The following GORAB variants were observed in gnomAD, a reference collection of about 807,000 sequenced individuals.
The protein encoded by GORAB is golgin, RAB6 interacting.
A neutral mutation model predicts 29.9 loss-of-function variants in GORAB; 17 were observed. That is an observed-to-expected ratio of 0.57 (90% CI 0.39 to 0.85). The LOEUF (loss-of-function observed/expected upper bound fraction) is 0.85. Among genes scored for constraint, GORAB ranks in the 40% least tolerant of loss-of-function variants. GORAB has a pLI of 0.00. For missense variants in GORAB, 442 were observed against 437.8 expected (o/e 1.01, Z -0.09); for synonymous variants, 183 against 157.2 (o/e 1.16, Z -1.23).
chr1:170,549,829 A>G (rs1300993310), intron 4 of GORAB, among the ~76,000 whole-genome samples: 2 of 152,198 alleles, frequency 1.3e-5, no homozygotes, highest in African/African-American at 2.4e-5. Flanking sequence ...GTTTTCAAGT[A>G]TAAATACCAG....
rs554358979 is a variant in GORAB, at chr1:170,533,639, C to T, written c.61+1355C>T. 436 of 429,910 alleles carry T rather than the reference C, an allele frequency of 1.0e-3. 2 individuals are homozygous for T. The highest frequency in any genetic ancestry group is 7.4e-3 in the African/African-American group (367 of 49,754). 26.6% of individuals were successfully genotyped at this position (429,910 alleles called of 1,614,324 possible). ...CACAAAGTTTGTGTGTTAGCAGAGG[C>T]GCATTTTCCAGGGTAAAGATGACTT... On this transcript the variant is annotated intron_variant, in intron 1 of 4. Coordinates refer to ENST00000367763, the MANE Select transcript of GORAB (RefSeq NM_152281.3).
intron 4 of GORAB, among the ~76,000 whole-genome samples, chr1:170,546,982 G>A (rs2101829803): frequency 6.6e-6 from 1 of 152,284 alleles, no homozygotes; most frequent in African/African-American, 2.4e-5. Context: ...ACCACGCCTG[G>A]CCATGTGCTG....
At chr1:170,535,683 G>T (rs905602592) in intron 1 of GORAB, among the ~76,000 whole-genome samples, 1 of 152,070 alleles carries the variant, frequency 6.6e-6, no homozygotes, top group Non-Finnish European at 1.5e-5. Flanking sequence ...TGGGATTACA[G>T]CTGTGTGCCA....
chr1:170,541,098 G>A (rs1285727397), intron 2 of GORAB, among the ~76,000 whole-genome samples: 1 of 151,492 alleles, frequency 6.6e-6, no homozygotes, highest in East Asian at 1.9e-4. Context: ...CAGCTACTTG[G>A]GAGACTGAGG....
chr1:170,533,537 T>G (rs763617016), intron 1 of GORAB: 1 of 454,888 alleles, frequency 2.2e-6, no homozygotes, highest in Non-Finnish European at 4.4e-6. Flanking sequence ...TATGTGATAG[T>G]AGATATTGCA....
chr1:170,538,390 A>C (rs187020555), intron 1 of GORAB, among the ~76,000 whole-genome samples: 1 of 152,218 alleles, frequency 6.6e-6, no homozygotes, highest in African/African-American at 2.4e-5. Flanking sequence ...AGAGAATGCT[A>C]TTTATAGATC....
At chr1:170,551,956 T>G in intron 4 of GORAB, 59 bp from the exon 5 acceptor site, 1 of 1,453,744 alleles carries the variant, frequency 6.9e-7, no homozygotes, top group South Asian at 1.2e-5. Flanking sequence ...CTAGATCCTC[T>G]TTTGAATATC....
At chr1:170,545,757 T>C in intron 4 of GORAB, 3 of 984,578 alleles carry the variant, frequency 3.0e-6, no homozygotes, top group Non-Finnish European at 3.6e-6. Flanking sequence ...TGCTTGATTG[T>C]GGTTTTTAAT....
intron 1 of GORAB, chr1:170,533,574 C>A (rs1176895251): frequency 2.2e-6 from 1 of 454,930 alleles, no homozygotes. Context: ...ACAAGAGGAA[C>A]CTCACTCTGC....
chr1:170,536,199 A>G (rs987919934), intron 1 of GORAB: 1 of 152,148 alleles, frequency 6.6e-6, no homozygotes, highest in African/African-American at 2.4e-5. Flanking sequence ...GAGGTACTAA[A>G]CATCTTTTTG....
Position 170,552,940 on chromosome 1 carries a change from G to A in GORAB, c.*478G>A, listed in dbSNP as rs1451619981. On this transcript the variant is annotated 3_prime_UTR_variant, in exon 5 of 5. Coordinates refer to ENST00000367763, the MANE Select transcript of GORAB (RefSeq NM_152281.3). ...AAAACAGGAATAGAAGAAAAAAGTT[G>A]CAGGTTGAATTATCTATCTGGATAT... The A allele has an allele frequency of 1.1e-5, 5 of 449,800 alleles. No individual in the cohort carries two copies. The highest frequency in any genetic ancestry group is 2.4e-5 in the Admixed American group (1 of 41,662). The allele number at this position is 449,800 out of a possible 1,614,324, so 27.9% of individuals were successfully genotyped here.
intron 4 of GORAB, among the ~76,000 whole-genome samples, chr1:170,549,280 C>A (rs1331289525): frequency 1.3e-5 from 2 of 152,136 alleles, no homozygotes; most frequent in Non-Finnish European, 2.9e-5. Flanking sequence ...GTATTACCCA[C>A]CTGACCATAG....
In GORAB at chr1:170,551,997, T is replaced by C; in HGVS notation, c.663-18T>C. 6.2e-7 allele frequency: 1 copy of C among 1,608,538 alleles called. No individual in the cohort carries two copies. The highest frequency in any genetic ancestry group is 8.5e-7 in the Non-Finnish European group (1 of 1,175,276). ...CAATGGAAAACTGATGGACCTATCT[T>C]TATACACATCCTTACAGGAAGCGGT... is the stretch of plus-strand genomic sequence containing the variant. On this transcript the variant is annotated intron_variant, in intron 4 of 4. Coordinates refer to ENST00000367763, the MANE Select transcript of GORAB (RefSeq NM_152281.3).
chr1:170,540,367 G>C (rs900015075), intron 2 of GORAB, among the ~76,000 whole-genome samples: 1 of 150,578 alleles, frequency 6.6e-6, no homozygotes, highest in Non-Finnish European at 1.5e-5. Context: ...TTATTTCTTT[G>C]TTTGCTCCTG....
At chr1:170,543,567 A>T (rs138005383) in intron 3 of GORAB, among the ~76,000 whole-genome samples, 4 of 151,624 alleles carry the variant, frequency 2.6e-5, no homozygotes, top group African/African-American at 9.7e-5. Context: ...ATAGGAAATA[A>T]TGCAACTCAC....
chr1:170,551,452 T>A (rs951090048), intron 4 of GORAB, among the ~76,000 whole-genome samples: 3 of 152,220 alleles, frequency 2.0e-5, no homozygotes, highest in African/African-American at 7.2e-5. Context: ...TCTTTCTCCA[T>A]CAGAATTTTT....
Position 170,539,430 on chromosome 1 carries a change from C to A in GORAB, c.282C>A (p.Pro94=). 1.2e-6 allele frequency: 2 copies of A among 1,614,092 alleles called. No individual in the cohort carries two copies. Among genetic ancestry groups the A allele is most frequent in the South Asian group, 1.1e-5 (1 of 91,086 alleles). The change falls in exon 2 of 5, where the codon CCC becomes CCA. Residue 94 remains proline (P), a synonymous_variant. Coordinates refer to ENST00000367763, the MANE Select transcript of GORAB (RefSeq NM_152281.3). ...TLPSHFTLTS[P]VGDGQPQGIE... ...CGAGTCATTTCACTCTCACCTCCCCCGTTGGTGATGGACAACCACAGGGCA... is the reference window on the plus strand; with the variant it reads ...CGAGTCATTTCACTCTCACCTCCCCAGTTGGTGATGGACAACCACAGGGCA...
intron 4 of GORAB, among the ~76,000 whole-genome samples, chr1:170,546,722 T>C (rs1289507474): frequency 6.6e-6 from 1 of 152,160 alleles, no homozygotes. Context: ...ATCACTCTTA[T>C]TGCCCAGGCT....
intron 4 of GORAB, 121 bp downstream of exon 4, chr1:170,544,966 G>GT: frequency 6.9e-7 from 1 of 1,452,786 alleles, no homozygotes. Context: ...ATTCAGTGCT[G>GT]TATTTATTCT....
Sources: allele counts gnomAD v4.1 joint callset (sites outside exome capture counted in the v4.1 genomes callset), GRCh38; gene constraint gnomAD v4.1.1; transcripts MANE v1.5; gene names NCBI Gene and HGNC (gene_info 2026-07-23, HGNC 2026-07-21).